CDH12: variants seen among roughly 807,000 people sequenced by gnomAD.
CDH12 encodes the protein cadherin 12.
In CDH12, 41 loss-of-function variants were observed where a neutral mutation model predicts 74.1. That is an observed-to-expected ratio of 0.55 (90% CI 0.43 to 0.72). CDH12 has a LOEUF of 0.72. CDH12 is among the 30% of genes least tolerant of loss of function. The pLI, the probability that CDH12 is intolerant of heterozygous loss-of-function variation, is 0.00. For missense variants in CDH12, 945 were observed against 977.2 expected (o/e 0.97, Z 0.44); for synonymous variants, 399 against 355.0 (o/e 1.12, Z -1.39).
chr5:22,366,115 T>C (rs1353391269), intron 3 of CDH12, among the ~76,000 whole-genome samples: 1 of 151,924 alleles, frequency 6.6e-6, no homozygotes, highest in Admixed American at 6.6e-5. Context: ...CCCGCCACCA[T>C]GCCCAGCTAA....
intron 3 of CDH12, among the ~76,000 whole-genome samples, chr5:22,220,991 T>TACAC (rs546225606): frequency 0.014 from 2,093 of 150,202 alleles, 40 homozygotes; most frequent in African/African-American, 0.046. Flanking sequence ...CTTCATCAAA[T>TACAC]ACACACACAC....
intron 1 of CDH12, among the ~76,000 whole-genome samples, chr5:22,813,277 T>A (rs796664425): frequency 7.2e-5 from 11 of 152,308 alleles, no homozygotes; most frequent in African/African-American, 2.6e-4. Flanking sequence ...AGATTCCAAA[T>A]TTTAATTATG....
At chr5:22,387,762 G>A (rs567566593) in intron 3 of CDH12, among the ~76,000 whole-genome samples, 224 of 152,210 alleles carry the variant, frequency 1.5e-3, no homozygotes, top group African/African-American at 5.0e-3. Flanking sequence ...ATGTTTCAAA[G>A]ACCAAAAGCA....
intron 6 of CDH12, among the ~76,000 whole-genome samples, chr5:21,914,451 G>A (rs1364781148): frequency 1.3e-5 from 2 of 152,002 alleles, no homozygotes; most frequent in Non-Finnish European, 2.9e-5. Flanking sequence ...TATGTATCCT[G>A]TATTTTATAC....
At chr5:22,490,542 AAGAC>A (rs1489229522) in intron 2 of CDH12, among the ~76,000 whole-genome samples, 2 of 151,534 alleles carry the variant, frequency 1.3e-5, no homozygotes, top group African/African-American at 4.8e-5. Context: ...AAAATTCACA[AAGAC>A]AGAAAATCCA....
chr5:21,805,601 G>A (rs1747384492), intron 9 of CDH12, among the ~76,000 whole-genome samples: 1 of 151,952 alleles, frequency 6.6e-6, no homozygotes, highest in African/African-American at 2.4e-5. Flanking sequence ...TGACTTTTAG[G>A]CAATCCCACT....
chr5:22,199,567 G>T (rs1324235744), intron 4 of CDH12, among the ~76,000 whole-genome samples: 2 of 152,148 alleles, frequency 1.3e-5, no homozygotes, highest in African/African-American at 2.4e-5. Flanking sequence ...CATGCCTGCA[G>T]ATCAGAGCAT....
intron 10 of CDH12, among the ~76,000 whole-genome samples, chr5:21,795,932 T>C (rs1199763258): frequency 2.0e-5 from 3 of 152,190 alleles, no homozygotes; most frequent in Non-Finnish European, 4.4e-5. Flanking sequence ...AAAAGTGTGG[T>C]AAAAAGACTA....
intron 4 of CDH12, among the ~76,000 whole-genome samples, chr5:22,186,768 G>C (rs2150342296): frequency 6.6e-6 from 1 of 152,256 alleles, no homozygotes; most frequent in Non-Finnish European, 1.5e-5. Flanking sequence ...ACTGAGCCTG[G>C]CCAGCATTTT....
intron 2 of CDH12, among the ~76,000 whole-genome samples, chr5:22,425,922 A>T (rs770777914): frequency 6.6e-6 from 1 of 151,970 alleles, no homozygotes; most frequent in Admixed American, 6.6e-5. Flanking sequence ...ACATTTGCAT[A>T]CCATGCCATC....
intron 11 of CDH12, among the ~76,000 whole-genome samples, chr5:21,768,920 A>G (rs1446607928): frequency 6.6e-6 from 1 of 152,018 alleles, no homozygotes; most frequent in East Asian, 1.9e-4. Flanking sequence ...AGTTATACAG[A>G]TAATATATTA....
At chr5:22,100,806 A>G (rs1744099094) in intron 4 of CDH12, among the ~76,000 whole-genome samples, 1 of 152,110 alleles carries the variant, frequency 6.6e-6, no homozygotes, top group Non-Finnish European at 1.5e-5. Context: ...GTCCTCCTGA[A>G]TTTCATATAC....
At chr5:21,853,641 T>C (rs1426353709) in intron 7 of CDH12, among the ~76,000 whole-genome samples, 2 of 151,722 alleles carry the variant, frequency 1.3e-5, no homozygotes, top group Non-Finnish European at 3.0e-5. Context: ...AATTAACTTA[T>C]ATCTAATTCG....
In CDH12 at chr5:22,786,932, C is replaced by T. The variant is rs145123988; in HGVS notation, c.-523+66126G>A. 1.4e-3 allele frequency among the ~76,000 whole-genome samples: 206 copies of T among 152,170 alleles called. 3 individuals are homozygous for T. In the East Asian group the frequency reaches 0.035, roughly 26 times the overall value. On this transcript the variant is annotated intron_variant, in intron 1 of 14. Transcript: ENST00000382254. ...ACGGGGTTTCACCATGTTGGCCAGGCTGGTCTCGAACTCCTGACCTCAGAT... is the reference window on the plus strand; with the variant it reads ...ACGGGGTTTCACCATGTTGGCCAGGTTGGTCTCGAACTCCTGACCTCAGAT...
chr5:22,547,143 A>G (rs1178620811), intron 1 of CDH12, among the ~76,000 whole-genome samples: 2 of 152,222 alleles, frequency 1.3e-5, no homozygotes, highest in Non-Finnish European at 2.9e-5. Flanking sequence ...GTTGTAATTA[A>G]AAATTTAAAA....
intron 8 of CDH12, among the ~76,000 whole-genome samples, chr5:21,820,346 A>T (rs1748298951): frequency 1.3e-5 from 2 of 151,990 alleles, no homozygotes; most frequent in African/African-American, 4.8e-5. Context: ...ATTTTTATCT[A>T]ATGGCATTGA....
intron 1 of CDH12, among the ~76,000 whole-genome samples, chr5:22,693,371 G>T (rs1048665614): frequency 6.6e-6 from 1 of 152,140 alleles, no homozygotes; most frequent in Non-Finnish European, 1.5e-5. Context: ...AGTGTGTGGG[G>T]ACTGGCGGGG....
intron 11 of CDH12, among the ~76,000 whole-genome samples, chr5:21,775,168 C>A (rs142454897): frequency 5.8e-4 from 88 of 152,318 alleles, no homozygotes; most frequent in African/African-American, 2.0e-3. Flanking sequence ...ACTATTAATA[C>A]CTTTTTTGAA....
At chr5:22,785,144 T>C (rs1747560171) in intron 1 of CDH12, among the ~76,000 whole-genome samples, 1 of 152,160 alleles carries the variant, frequency 6.6e-6, no homozygotes, top group Admixed American at 6.5e-5. Flanking sequence ...GATTCTCCTC[T>C]TACCTTTCCT....
Sources: allele counts gnomAD v4.1 joint callset (sites outside exome capture counted in the v4.1 genomes callset), GRCh38; gene constraint gnomAD v4.1.1; transcripts MANE v1.5; gene names NCBI Gene and HGNC (gene_info 2026-07-23, HGNC 2026-07-21).